SHLD2: variants seen among roughly 807,000 people sequenced by gnomAD.
SHLD2 encodes the protein shieldin complex subunit 2, also known as RINN1-REV7-interacting novel NHEJ regulator 2.
A neutral mutation model predicts 73.2 loss-of-function variants in SHLD2; 30 were observed. The observed-to-expected ratio is 0.41, with a 90% CI of 0.31 to 0.56. The LOEUF (loss-of-function observed/expected upper bound fraction) is 0.56. Among genes scored for constraint, SHLD2 ranks in the 20% least tolerant of loss-of-function variants. SHLD2 has a pLI of 0.28. For synonymous variants in SHLD2, 285 were observed against 370.1 expected, an observed-to-expected ratio of 0.77 and a Z score of 2.64; for missense variants, 745 against 1,055.9, an observed-to-expected ratio of 0.71 and a Z score of 4.08.
intron 2 of SHLD2, among the ~76,000 whole-genome samples, chr10:87,123,375 C>G (rs893593264): frequency 1.6e-4 from 25 of 151,698 alleles, no homozygotes; most frequent in Non-Finnish European, 2.8e-4. Flanking sequence ...GATCTCGGGT[C>G]ACTGCAACCT....
At chr10:87,095,096 G>C (rs963125250), upstream of SHLD2, 1 of 144,462 alleles carries the variant, frequency 6.9e-6, no homozygotes, top group Non-Finnish European at 1.5e-5. Flanking sequence ...GGGAAGGGAG[G>C]GGAGGGGAGA....
At position 87,170,539 on chromosome 10, in the gene SHLD2, T is replaced by G; in HGVS notation, c.1695T>G (p.His565Gln). The G allele has an allele frequency of 6.2e-7, 1 of 1,613,108 alleles. No individual in the cohort carries two copies. The highest frequency in any genetic ancestry group is 1.3e-5 in the African/African-American group (1 of 74,988). The change falls in exon 5 of 10, where the codon CAT becomes CAG. Residue 565 changes from histidine (H) to glutamine (Q), a missense_variant. Physicochemically the swap from His to Gln is conservative, Grantham distance 24. This residue lies in a region of SHLD2 where 418 missense variants were observed against 567.8 expected (regional missense o/e 0.74). Transcript: ENST00000298786. ...TACTGGCATATGTGTCCTCAAAACATTCCTACCTCAGAGATCTTCCTCCGA... is the reference window on the plus strand; with the variant it reads ...TACTGGCATATGTGTCCTCAAAACAGTCCTACCTCAGAGATCTTCCTCCGA... ...QDLLAYVSSK[H>Q]SYLRDLPPRQ...
At chr10:87,105,916 AG>A (rs1344447928) in intron 2 of SHLD2, among the ~76,000 whole-genome samples, 1 of 152,246 alleles carries the variant, frequency 6.6e-6, no homozygotes, top group Non-Finnish European at 1.5e-5. Flanking sequence ...GGAGGCTACA[AG>A]GAAGACTTAC....
rs181490595 is a variant in SHLD2 at position 87,159,972 on chromosome 10, A to G, written c.1633+1817A>G. Among the ~76,000 whole-genome samples the G allele has an allele frequency of 9.5e-3, 1,446 of 152,360 alleles. 16 individuals are homozygous for G. The highest frequency in any genetic ancestry group is 0.027 in the South Asian group (128 of 4,830). On this transcript the variant is annotated intron_variant, in intron 4 of 9. Coordinates refer to ENST00000298786, the MANE Select transcript of SHLD2 (RefSeq NM_001330112.2). Reference sequence around the variant, plus strand: ...TTAGAGTTATTAGCATACAGATAATATTTCAAATTTAAAAGTTTTTTAAAT... The same window carrying G: ...TTAGAGTTATTAGCATACAGATAATGTTTCAAATTTAAAAGTTTTTTAAAT...
chr10:87,101,775 G>A (rs1332632348), intron 2 of SHLD2, among the ~76,000 whole-genome samples: 2 of 152,124 alleles, frequency 1.3e-5, no homozygotes, highest in Non-Finnish European at 2.9e-5. Context: ...TTAGCTGGTT[G>A]TGGTGGTGCA....
intron 4 of SHLD2, among the ~76,000 whole-genome samples, chr10:87,160,941 C>T (rs1054947956): frequency 1.3e-5 from 2 of 149,724 alleles, no homozygotes; most frequent in African/African-American, 4.9e-5. Context: ...CAGTGAGCAC[C>T]ACTACACTGC....
intron 2 of SHLD2, among the ~76,000 whole-genome samples, chr10:87,126,044 G>C (rs549213896): frequency 6.6e-6 from 1 of 152,136 alleles, no homozygotes; most frequent in African/African-American, 2.4e-5. Flanking sequence ...TCTAAATATA[G>C]GTAGCTGCAT....
At chr10:87,099,301 A>G (rs1045038924) in intron 2 of SHLD2, among the ~76,000 whole-genome samples, 2 of 152,228 alleles carry the variant, frequency 1.3e-5, no homozygotes, top group African/African-American at 4.8e-5. Flanking sequence ...AAAACATAGC[A>G]TATAAATTCT....
chr10:87,156,608 G>T (rs1344705626), intron 3 of SHLD2, among the ~76,000 whole-genome samples: 1 of 152,180 alleles, frequency 6.6e-6, no homozygotes, highest in Non-Finnish European at 1.5e-5. Context: ...AGGGTAGGAA[G>T]GAGCCAGGAG....
chr10:87,158,090 T>G lies in SHLD2; in HGVS notation c.1568T>G (p.Leu523Arg), dbSNP rs2134394037. 1 of 1,611,554 alleles carries G rather than the reference T, an allele frequency of 6.2e-7. No homozygotes were observed. Among genetic ancestry groups the G allele is most frequent in the East Asian group, 2.2e-5 (1 of 44,782 alleles). ...HEDQWIGETVLQSTFSSQLLN... is the reference protein window; with the variant it reads ...HEDQWIGETVRQSTFSSQLLN... ...GACCAATGGATTGGCGAGACAGTACTACAATCAACATTTAGCAGTCAGTTA... is the reference window on the plus strand; with the variant it reads ...GACCAATGGATTGGCGAGACAGTACGACAATCAACATTTAGCAGTCAGTTA... The change falls in exon 4 of 10, where the codon CTA (leucine) becomes CGA (arginine). Residue 523 changes from leucine (L) to arginine (R), a missense_variant. By Grantham distance (102) the Leu-to-Arg change is moderately radical (BLOSUM62 -2). This residue lies in a region of SHLD2 where 418 missense variants were observed against 567.8 expected (regional missense o/e 0.74). Coordinates refer to ENST00000298786, the MANE Select transcript of SHLD2 (RefSeq NM_001330112.2).
chr10:87,107,055 A>AT (rs534120367), intron 2 of SHLD2, among the ~76,000 whole-genome samples: 8 of 134,532 alleles, frequency 5.9e-5, no homozygotes, highest in South Asian at 4.6e-4. Context: ...CAGAGAGACT[A>AT]TTTTTTTTCT....
chr10:87,132,931 T>G (rs892440465), intron 2 of SHLD2, among the ~76,000 whole-genome samples: 14 of 152,344 alleles, frequency 9.2e-5, no homozygotes, highest in Middle Eastern at 3.4e-3. Context: ...ATGAATTATT[T>G]TCGTTAATCT....
At chr10:87,176,153 G>T (rs1847938651) in intron 7 of SHLD2, 58 bp downstream of exon 7, 2 of 1,544,348 alleles carry the variant, frequency 1.3e-6, no homozygotes, top group Admixed American at 3.9e-5. Context: ...ACAGGGTCTT[G>T]CTCTGTTGCT....
chr10:87,101,105 A>G (rs949229235), intron 2 of SHLD2, among the ~76,000 whole-genome samples: 1 of 152,230 alleles, frequency 6.6e-6, no homozygotes, highest in African/African-American at 2.4e-5. Context: ...AAGCTAAGTT[A>G]GCAATTCCCA....
At chr10:87,162,729 T>C (rs1241718379) in intron 4 of SHLD2, among the ~76,000 whole-genome samples, 2 of 152,114 alleles carry the variant, frequency 1.3e-5, no homozygotes, top group Non-Finnish European at 2.9e-5. Flanking sequence ...GATATAAAAA[T>C]GGCTATCAAA....
chr10:87,143,858 C>T (rs377650575), intron 2 of SHLD2, among the ~76,000 whole-genome samples: 1 of 103,062 alleles, frequency 9.7e-6, no homozygotes, highest in African/African-American at 3.9e-5. Flanking sequence ...TCTTTTTATT[C>T]TTTCTTTTTT....
chr10:87,109,402 G>A (rs1350932347), intron 2 of SHLD2, among the ~76,000 whole-genome samples: 1 of 151,560 alleles, frequency 6.6e-6, no homozygotes, highest in African/African-American at 2.4e-5. Flanking sequence ...AGATTCAAGC[G>A]ATTCTCCTGC....
chr10:87,133,522 G>A (rs1157973843), intron 2 of SHLD2, among the ~76,000 whole-genome samples: 2 of 152,080 alleles, frequency 1.3e-5, no homozygotes, highest in African/African-American at 2.4e-5. Flanking sequence ...AAAAAGATGA[G>A]TAATAATTAG....
chr10:87,142,646 A>G (rs1400419279), intron 2 of SHLD2, among the ~76,000 whole-genome samples: 2 of 152,174 alleles, frequency 1.3e-5, no homozygotes, highest in Non-Finnish European at 1.5e-5. Flanking sequence ...AAAAAGAAAG[A>G]CATCAGTGAT....
Sources: allele counts gnomAD v4.1 joint callset (sites outside exome capture counted in the v4.1 genomes callset), GRCh38; gene constraint gnomAD v4.1.1; regional missense constraint gnomAD v4.1.1; transcripts MANE v1.5; gene names NCBI Gene and HGNC (gene_info 2026-07-23, HGNC 2026-07-21).